Variants in CIROZ observed in about 807,000 individuals in gnomAD.
CIROZ encodes the protein ciliated left-right organizer protein containing ZP-N domains.
chr1:10,969,791 G>A, the CIROZ span, among the ~76,000 whole-genome samples: 4 of 152,200 alleles, frequency 2.6e-5, no homozygotes, highest in African/African-American at 9.7e-5. Context: ...ATTGTGACTG[G>A]GGTGGGCGTG....
At chr1:10,955,631 T>C in the CIROZ span, among the ~76,000 whole-genome samples, 2 of 151,986 alleles carry the variant, frequency 1.3e-5, no homozygotes, top group South Asian at 4.1e-4. Flanking sequence ...TTACCTCAGG[T>C]CAGGATTTCA....
the CIROZ span, chr1:10,948,359 C>A: frequency 6.2e-7 from 1 of 1,613,584 alleles, no homozygotes; most frequent in Non-Finnish European, 8.5e-7. Flanking sequence ...GCCAGGGCCT[C>A]GCCAATGGCT....
At chr1:10,955,363 CT>C in the CIROZ span, among the ~76,000 whole-genome samples, 2 of 152,100 alleles carry the variant, frequency 1.3e-5, no homozygotes, top group East Asian at 3.9e-4. Context: ...TGAAACTTAG[CT>C]GCATGGATGA....
the CIROZ span, among the ~76,000 whole-genome samples, chr1:10,962,122 CTTTG>C: frequency 6.6e-6 from 1 of 152,098 alleles, no homozygotes; most frequent in Non-Finnish European, 1.5e-5. Flanking sequence ...AAATCCAGCA[CTTTG>C]TTTGAGCCGC....
the CIROZ span, among the ~76,000 whole-genome samples, chr1:10,978,159 C>T: frequency 1.5e-5 from 2 of 129,794 alleles, no homozygotes; most frequent in Non-Finnish European, 3.2e-5. Flanking sequence ...GTGACAAGAA[C>T]AAAACTCCAC....
At chr1:10,973,115 G>A in the CIROZ span, among the ~76,000 whole-genome samples, 1 of 152,324 alleles carries the variant, frequency 6.6e-6, no homozygotes, top group African/African-American at 2.4e-5. Flanking sequence ...GCTCACGCCT[G>A]TAATCCCAAC....
chr1:10,962,283 C>G, the CIROZ span, among the ~76,000 whole-genome samples: 1 of 151,796 alleles, frequency 6.6e-6, no homozygotes, highest in Non-Finnish European at 1.5e-5. Flanking sequence ...CCGTCTCTAC[C>G]AAAAATATAA....
chr1:10,959,520 G>A, the CIROZ span, among the ~76,000 whole-genome samples: 31 of 152,288 alleles, frequency 2.0e-4, 1 homozygote, highest in South Asian at 5.6e-3. The surrounding 1 kb of genome is among the most constrained non-coding windows in gnomAD (Gnocchi z 4.3). Context: ...TTGCCTTTGC[G>A]TCAGACTTGG....
chr1:10,969,414 C>T, the CIROZ span, among the ~76,000 whole-genome samples: 1 of 152,126 alleles, frequency 6.6e-6, no homozygotes, highest in Non-Finnish European at 1.5e-5. Context: ...ACACTATGCC[C>T]CTTGTTGTTT....
the CIROZ span, among the ~76,000 whole-genome samples, chr1:10,954,426 C>A: frequency 6.7e-6 from 1 of 149,608 alleles, no homozygotes; most frequent in African/African-American, 2.5e-5. Flanking sequence ...TGCACTCCAG[C>A]CTGGGCAACA....
the CIROZ span, chr1:10,956,901 G>A: frequency 1.2e-6 from 1 of 834,558 alleles, no homozygotes; most frequent in South Asian, 1.8e-5. Context: ...GCCAAGGTTG[G>A]GACTGAGGAG....
At chr1:10,966,081 A>G in the CIROZ span, among the ~76,000 whole-genome samples, 1 of 152,176 alleles carries the variant, frequency 6.6e-6, no homozygotes, top group Admixed American at 6.6e-5. Context: ...GTGAGTGGGC[A>G]CATTATGAGT....
At chr1:10,958,516 G>A in the CIROZ span, among the ~76,000 whole-genome samples, 24,905 of 152,208 alleles carry the variant, frequency 0.16, 4,744 homozygotes, top group African/African-American at 0.46. Flanking sequence ...GATGGCCTCA[G>A]GCCTCTGCCT....
the CIROZ span, among the ~76,000 whole-genome samples, chr1:10,977,376 G>A: frequency 4.3e-5 from 6 of 139,622 alleles, no homozygotes; most frequent in East Asian, 1.9e-4. Flanking sequence ...CCAGCTACTC[G>A]GGAGGCTGAG....
the CIROZ span, chr1:10,969,857 T>G: frequency 6.0e-5 from 84 of 1,392,142 alleles, no homozygotes; most frequent in Non-Finnish European, 7.4e-5. Flanking sequence ...TGAGCAGAGA[T>G]TTGAGTGATG....
At chr1:10,957,550 G>A in the CIROZ span, 6 of 1,581,862 alleles carry the variant, frequency 3.8e-6, no homozygotes, top group Non-Finnish European at 5.1e-6. Context: ...GTGGCAACCT[G>A]CTCTTCTAGG....
At chr1:10,974,340 G>A in the CIROZ span, among the ~76,000 whole-genome samples, 7 of 152,210 alleles carry the variant, frequency 4.6e-5, no homozygotes, top group East Asian at 1.9e-4. This position sits in a 1 kb window ranked among gnomAD's most constrained non-coding sequence, Gnocchi z 4.4. Context: ...GCAGAGAGGC[G>A]ATGGGATGAG....
At chr1:10,959,020 G>A in the CIROZ span, among the ~76,000 whole-genome samples, 1 of 152,342 alleles carries the variant, frequency 6.6e-6, no homozygotes, top group Admixed American at 6.5e-5. The surrounding 1 kb of genome is among the most constrained non-coding windows in gnomAD (Gnocchi z 4.3). Context: ...AGCTGGTGAG[G>A]CCAAGAGCGG....
chr1:10,968,150 C>T, the CIROZ span, among the ~76,000 whole-genome samples: 1 of 149,232 alleles, frequency 6.7e-6, no homozygotes, highest in African/African-American at 2.6e-5. Flanking sequence ...CAAAGTGAGA[C>T]TCCGTCTCAA....
Sources: gnomAD v4.1 joint callset for allele counts (sites outside exome capture counted in the v4.1 genomes callset) on GRCh38, gnomAD v4.1.1 for gene constraint, Gnocchi (gnomAD v3.1) non-coding constraint, MANE v1.5 for transcripts, NCBI Gene and HGNC (gene_info 2026-07-23, HGNC 2026-07-21) for gene names.